Variants in CHL1 observed in about 807,000 individuals in gnomAD.
CHL1 encodes neural cell adhesion molecule L1-like protein.
A neutral mutation model predicts 141.9 loss-of-function variants in CHL1; 96 were observed. That is an observed-to-expected ratio of 0.68 (90% confidence interval 0.57 to 0.80). CHL1 has a LOEUF of 0.80. Among genes scored for constraint, CHL1 ranks in the 30% least tolerant of loss-of-function variants. The pLI is 0.00. For missense variants in CHL1, 1,820 were observed against 1,457.2 expected (o/e 1.25, Z -4.05); for synonymous variants, 613 against 502.2 (o/e 1.22, Z -2.95).
intron 2 of CHL1, 28 bp from the exon 3 acceptor site, chr3:319,655 T>TAACA (rs1175177553): frequency 1.1e-4 from 61 of 549,824 alleles, no homozygotes; most frequent in African/African-American, 1.0e-3. Flanking sequence ...GTTTGTGAAC[T>TAACA]AACATGTTAT....
At chr3:237,666 CTT>C (rs1692125329) in intron 1 of CHL1, among the ~76,000 whole-genome samples, 1 of 152,190 alleles carries the variant, frequency 6.6e-6, no homozygotes, top group African/African-American at 2.4e-5. Context: ...TCATACCTAA[CTT>C]AATTGAATTC....
At chr3:347,949 C>A (rs1485373135) in intron 9 of CHL1, among the ~76,000 whole-genome samples, 1 of 152,108 alleles carries the variant, frequency 6.6e-6, no homozygotes, top group Non-Finnish European at 1.5e-5. Flanking sequence ...GATTAAAGAG[C>A]CTTCATCTTT....
chr3:272,477 G>T (rs561615710), intron 2 of CHL1, among the ~76,000 whole-genome samples: 1 of 152,076 alleles, frequency 6.6e-6, no homozygotes, highest in East Asian at 1.9e-4. Flanking sequence ...CTATGTTTTC[G>T]TTCTTTGGAA....
At chr3:249,668 CTTCACAG>C (rs2125132051) in intron 2 of CHL1, among the ~76,000 whole-genome samples, 1 of 152,256 alleles carries the variant, frequency 6.6e-6, no homozygotes, top group South Asian at 2.1e-4. Flanking sequence ...TTAAGATTCT[CTTCACAG>C]TTGCAAACAG....
At chr3:314,329 G>GTGTGTGTATATA (rs1455318071) in intron 2 of CHL1, among the ~76,000 whole-genome samples, 11 of 65,342 alleles carry the variant, frequency 1.7e-4, no homozygotes, top group African/African-American at 5.8e-4. Context: ...CTCTCTATGT[G>GTGTGTGTATATA]TATATATATA....
intron 1 of CHL1, among the ~76,000 whole-genome samples, chr3:232,396 A>T (rs1701945146): frequency 6.6e-6 from 1 of 152,194 alleles, no homozygotes; most frequent in Non-Finnish European, 1.5e-5. Flanking sequence ...TAATTAGCAT[A>T]TTATTATAGT....
intron 5 of CHL1, among the ~76,000 whole-genome samples, chr3:338,316 T>C (rs569682272): frequency 6.6e-6 from 1 of 152,206 alleles, no homozygotes; most frequent in East Asian, 1.9e-4. Flanking sequence ...ATTACCTCAT[T>C]TACCGAAAAA....
intron 2 of CHL1, among the ~76,000 whole-genome samples, chr3:272,183 C>T (rs1302225863): frequency 6.6e-6 from 1 of 152,086 alleles, no homozygotes; most frequent in Non-Finnish European, 1.5e-5. Context: ...AATATTGCTA[C>T]TGTTATTTGA....
At chr3:360,519 T>A (rs1704132284) in intron 12 of CHL1, 95 bp downstream of exon 12, 1 of 1,230,734 alleles carries the variant, frequency 8.1e-7, no homozygotes, top group African/African-American at 1.5e-5. Flanking sequence ...ACACATAATA[T>A]ATGGAGGGAA....
At position 385,908 on chromosome 3, in the gene CHL1, A is replaced by C. The variant is rs143292445; in HGVS notation, c.2247+2022A>C. ...CATTTAGTAATTAATTGACTAGAGG[A>C]AGGAAGTAGTCACAGGATTTGGATC... On this transcript the variant is annotated intron_variant, in intron 19 of 27. Coordinates refer to ENST00000256509, the MANE Select transcript of CHL1 (RefSeq NM_006614.4). 2.6e-5 allele frequency: 4 copies of C among 151,776 alleles called. No individual in the cohort carries two copies. The East Asian group carries it at 7.7e-4, about 29-fold the overall frequency. The allele number at this position is 151,776 out of a possible 1,614,324, so 9.4% of individuals were successfully genotyped here. A position where few individuals can be genotyped will look rare whatever the true frequency, so the allele number is the denominator to read the frequency against.
In CHL1 at chr3:286,398, G is replaced by A. The variant is rs1697148177; in HGVS notation, c.-94-33285G>A. On this transcript the variant is annotated intron_variant, in intron 2 of 27. Coordinates refer to ENST00000256509, the MANE Select transcript of CHL1 (RefSeq NM_006614.4). ...GGCCGAAGTGAGTGGATCACCTGAGGTCAGGAGATCAAGACCAGCCTGGCC... is the reference window on the plus strand; with the variant it reads ...GGCCGAAGTGAGTGGATCACCTGAGATCAGGAGATCAAGACCAGCCTGGCC... 2.0e-5 allele frequency among the ~76,000 whole-genome samples: 3 copies of A among 152,150 alleles called. No individual in the cohort carries two copies. In the South Asian group the frequency reaches 6.2e-4, roughly 32 times the overall value.
chr3:382,118 G>C, intron 16 of CHL1, 61 bp from the exon 17 acceptor site: 1 of 1,453,292 alleles, frequency 6.9e-7, no homozygotes, highest in Non-Finnish European at 9.6e-7. Flanking sequence ...CAATGTGTCT[G>C]AGGAAGGGAA....
intron 3 of CHL1, among the ~76,000 whole-genome samples, chr3:322,645 A>AATATATATATATATATATATAATTAT (rs1700667602): frequency 1.5e-5 from 2 of 130,226 alleles, no homozygotes; most frequent in African/African-American, 5.9e-5. Context: ...ATATATATAA[A>AATATATATATATATATATATAATTAT]ATATATATAT....
rs527356697 is a variant in CHL1 at position 360,210 on chromosome 3, C to T, written c.1166-74C>T. On this transcript the variant is annotated intron_variant, in intron 11 of 27. Coordinates refer to ENST00000256509, the MANE Select transcript of CHL1 (RefSeq NM_006614.4). ...GTTTGAAAATATAAATACTGTGTGA[C>T]ACATTTAATAAATGGTGTATAAATA... 4.0e-5 allele frequency: 61 copies of T among 1,520,864 alleles called. No individual in the cohort carries two copies. The African/African-American group carries it at 7.9e-4, about 20-fold the overall frequency. 94.2% of individuals were successfully genotyped at this position (1,520,864 alleles called of 1,614,324 possible). A position where few individuals can be genotyped will look rare whatever the true frequency, so the allele number is the denominator to read the frequency against.
At chr3:287,008 T>C (rs909408076) in intron 2 of CHL1, among the ~76,000 whole-genome samples, 10 of 152,122 alleles carry the variant, frequency 6.6e-5, no homozygotes, top group African/African-American at 2.4e-4. Flanking sequence ...AAGGTCTTTA[T>C]GACCTGTATC....
intron 2 of CHL1, among the ~76,000 whole-genome samples, chr3:291,151 G>T (rs1034452387): frequency 6.6e-6 from 1 of 151,888 alleles, no homozygotes; most frequent in Non-Finnish European, 1.5e-5. Flanking sequence ...TAGTGAACTA[G>T]TATCTCTTGT....
chr3:322,808 C>A (rs965714454), intron 3 of CHL1, among the ~76,000 whole-genome samples: 3 of 150,806 alleles, frequency 2.0e-5, no homozygotes, highest in Non-Finnish European at 3.0e-5. Context: ...CATGCCACTA[C>A]ATTCCAGCCT....
intron 2 of CHL1, among the ~76,000 whole-genome samples, chr3:280,028 C>A (rs548473810): frequency 6.6e-6 from 1 of 151,770 alleles, no homozygotes; most frequent in Non-Finnish European, 1.5e-5. Flanking sequence ...TTATGTTGTC[C>A]TAAAATCAGG....
chr3:397,136 C>T (rs1298117010), intron 24 of CHL1, among the ~76,000 whole-genome samples: 2 of 151,928 alleles, frequency 1.3e-5, no homozygotes, highest in African/African-American at 4.8e-5. Flanking sequence ...GTGTCATTAG[C>T]GGTTTGAATA....
Sources: gnomAD v4.1 joint callset for allele counts (sites outside exome capture counted in the v4.1 genomes callset) on GRCh38, gnomAD v4.1.1 for gene constraint, MANE v1.5 for transcripts, NCBI Gene and HGNC (gene_info 2026-07-23, HGNC 2026-07-21) for gene names.